The following FHOD3 variants were observed in gnomAD, a reference collection of about 807,000 sequenced individuals.
The protein encoded by FHOD3 is formin homology 2 domain containing 3.
FHOD3 carries 90 observed loss-of-function variants against 173.0 expected under a neutral mutation model. That is an observed-to-expected ratio of 0.52 (90% confidence interval 0.44 to 0.62). The LOEUF is 0.62. FHOD3 is among the 20% of genes least tolerant of loss of function. FHOD3 has a pLI of 0.00. For missense variants in FHOD3, 1,945 were observed against 2,034.7 expected, an observed-to-expected ratio of 0.96 and a Z score of 0.85; for synonymous variants, 828 against 823.0, an observed-to-expected ratio of 1.01 and a Z score of -0.10.
At chr18:36,389,321 C>G (rs1384845581) in intron 3 of FHOD3, among the ~76,000 whole-genome samples, 1 of 152,190 alleles carries the variant, frequency 6.6e-6, no homozygotes, top group East Asian at 1.9e-4. Flanking sequence ...CTTCATATTC[C>G]TCCCACCCCG....
intron 4 of FHOD3, among the ~76,000 whole-genome samples, chr18:36,512,086 A>G (rs1026524121): frequency 2.0e-5 from 3 of 152,254 alleles, no homozygotes. Flanking sequence ...GTAGAAAACC[A>G]GCAAGCTTCT....
At chr18:36,439,835 C>G (rs539054638) in intron 3 of FHOD3, among the ~76,000 whole-genome samples, 1 of 152,168 alleles carries the variant, frequency 6.6e-6, no homozygotes, top group South Asian at 2.1e-4. Flanking sequence ...ATGGATGTTC[C>G]AGCAGAGAAA....
chr18:36,601,247 T>C (rs2031338157), intron 7 of FHOD3, among the ~76,000 whole-genome samples: 1 of 152,224 alleles, frequency 6.6e-6, no homozygotes, highest in Admixed American at 6.5e-5. Context: ...CTGGGCAACT[T>C]AGCCAAAGCA....
chr18:36,524,319 G>T, intron 5 of FHOD3, among the ~76,000 whole-genome samples: 1 of 151,900 alleles, frequency 6.6e-6, no homozygotes, highest in Non-Finnish European at 1.5e-5. Flanking sequence ...GTTGATGCGG[G>T]TGACTAGCAT....
chr18:36,372,206 A>T (rs1037815233), intron 2 of FHOD3, among the ~76,000 whole-genome samples: 1 of 152,214 alleles, frequency 6.6e-6, no homozygotes, highest in East Asian at 1.9e-4. Context: ...TACAAGAGAA[A>T]AGCCAACACA....
At chr18:36,422,630 G>A (rs1395515159) in intron 3 of FHOD3, among the ~76,000 whole-genome samples, 1 of 152,158 alleles carries the variant, frequency 6.6e-6, no homozygotes, top group Non-Finnish European at 1.5e-5. Flanking sequence ...ATGTGAATGT[G>A]GTCTGAGGTC....
intron 4 of FHOD3, among the ~76,000 whole-genome samples, chr18:36,511,290 C>T (rs1057484880): frequency 2.6e-5 from 4 of 151,706 alleles, no homozygotes; most frequent in Non-Finnish European, 2.9e-5. Flanking sequence ...GGAAAAATCC[C>T]TCTCAGCTTG....
At chr18:36,348,197 T>G (rs906137127) in intron 1 of FHOD3, among the ~76,000 whole-genome samples, 1 of 152,204 alleles carries the variant, frequency 6.6e-6, no homozygotes, top group Non-Finnish European at 1.5e-5. Flanking sequence ...TCTGCTCCAT[T>G]TAAAAGGAAC....
At chr18:36,633,658 A>C (rs1267561075) in intron 10 of FHOD3, among the ~76,000 whole-genome samples, 3 of 152,196 alleles carry the variant, frequency 2.0e-5, no homozygotes, top group Non-Finnish European at 2.9e-5. Context: ...CATAGCCTGC[A>C]CTCAGAACCT....
intron 5 of FHOD3, among the ~76,000 whole-genome samples, chr18:36,532,314 A>G (rs1472954036): frequency 6.6e-6 from 1 of 152,160 alleles, no homozygotes; most frequent in African/African-American, 2.4e-5. Flanking sequence ...CTGTGTGTTT[A>G]GGAAACTCCA....
rs2038018677 is a variant in FHOD3, at chr18:36,678,542, A to AC, written c.1836-2894_1836-2893insC. Among the ~76,000 whole-genome samples the AC allele has an allele frequency of 3.4e-5, 5 of 148,070 alleles. No homozygotes were observed. In the South Asian group the frequency reaches 1.1e-3, roughly 31 times the overall value. On this transcript the variant is annotated intron_variant, in intron 14 of 28. Coordinates refer to ENST00000590592, the MANE Select transcript of FHOD3 (RefSeq NM_001281740.3). ...CCTGTCTCAAAAAAAAAAAAAAAAA[A>AC]AAAAAAGAAGAAAGAAAGAAAGAAA... is the stretch of plus-strand genomic sequence containing the variant.
At chr18:36,676,531 CT>C (rs1239271368) in intron 14 of FHOD3, among the ~76,000 whole-genome samples, 1 of 152,154 alleles carries the variant, frequency 6.6e-6, no homozygotes, top group Non-Finnish European at 1.5e-5. Flanking sequence ...GCAAAAGTTA[CT>C]TTCTAGATAA....
intron 5 of FHOD3, among the ~76,000 whole-genome samples, chr18:36,558,537 T>C (rs1283218540): frequency 1.3e-5 from 2 of 152,202 alleles, no homozygotes; most frequent in Admixed American, 1.3e-4. Context: ...ATATAAAACT[T>C]TTTGACCTAA....
chr18:36,303,369 G>A (rs1304582932), intron 1 of FHOD3, among the ~76,000 whole-genome samples: 1 of 152,108 alleles, frequency 6.6e-6, no homozygotes, highest in South Asian at 2.1e-4. Flanking sequence ...GTGGGGTAGG[G>A]TTGACTGCAT....
intron 14 of FHOD3, among the ~76,000 whole-genome samples, chr18:36,667,960 G>C (rs2037291211): frequency 6.6e-6 from 1 of 152,092 alleles, no homozygotes; most frequent in East Asian, 1.9e-4. Context: ...AAGTTTTATG[G>C]CAGGTGGATG....
chr18:36,656,140 C>G (rs1036032383), intron 13 of FHOD3, among the ~76,000 whole-genome samples: 38 of 152,136 alleles, frequency 2.5e-4, no homozygotes, highest in African/African-American at 8.7e-4. Flanking sequence ...CCTTCCCCTC[C>G]CTCATTGCAG....
chr18:36,668,577 T>C (rs1340979463), intron 14 of FHOD3, among the ~76,000 whole-genome samples: 1 of 152,012 alleles, frequency 6.6e-6, no homozygotes, highest in Admixed American at 6.6e-5. Context: ...GATGAGGTCA[T>C]TGATTTGAGA....
chr18:36,490,417 C>T (rs2054407578), intron 3 of FHOD3, among the ~76,000 whole-genome samples: 1 of 152,154 alleles, frequency 6.6e-6, no homozygotes, highest in South Asian at 2.1e-4. Flanking sequence ...TTTGCTTGGG[C>T]TTTCCTCCTC....
At chr18:36,555,116 C>T (rs1457160147) in intron 5 of FHOD3, among the ~76,000 whole-genome samples, 3 of 152,014 alleles carry the variant, frequency 2.0e-5, no homozygotes, top group African/African-American at 7.2e-5. Context: ...TTTCTAATTT[C>T]TTAAAGTGGA....
Sources: gnomAD v4.1 joint callset for allele counts (sites outside exome capture counted in the v4.1 genomes callset) on GRCh38, gnomAD v4.1.1 for gene constraint, MANE v1.5 for transcripts, NCBI Gene and HGNC (gene_info 2026-07-23, HGNC 2026-07-21) for gene names.